The following TP53BP1 variants were observed in gnomAD, a reference collection of about 807,000 sequenced individuals.
TP53BP1 encodes TP53-binding protein 1.
Under a neutral mutation model 200.8 loss-of-function variants are expected in TP53BP1, and 61 were observed. That is an observed-to-expected ratio of 0.30 (90% CI 0.25 to 0.38). The LOEUF (loss-of-function observed/expected upper bound fraction) is 0.38, where lower values mean the gene tolerates loss of function less well. Among genes scored for constraint, TP53BP1 ranks in the 10% least tolerant of loss-of-function variants. The probability of loss-of-function intolerance (pLI) is 1.00; values close to 1 mark genes in which losing one functional copy is unlikely to be tolerated. For missense variants in TP53BP1, 2,144 were observed against 2,371.9 expected, an observed-to-expected ratio of 0.90 and a Z score of 2.00; for synonymous variants, 822 against 844.3, an observed-to-expected ratio of 0.97 and a Z score of 0.46.
Position 43,408,048 on chromosome 15 carries a change from A to G in TP53BP1, c.5641T>C (p.Leu1881=), listed in dbSNP as rs776940490. 1.7e-5 allele frequency: 27 copies of G among 1,614,208 alleles called. No homozygotes were observed. The highest frequency in any genetic ancestry group is 2.2e-5 in the Non-Finnish European group (26 of 1,180,016). The part of the protein sequence containing the change: ...ENPFQNLKVL[L]VSDQQQNFLE... ...AAGTTCTGCTGTTGGTCTGATACCA[A>G]GAGTACCTTCAGATTCTGGAAAGGA... Residue 1881 remains leucine, a synonymous_variant, in exon 27 of 28, where the codon TTG becomes CTG. Coordinates refer to ENST00000382044, the MANE Select transcript of TP53BP1 (RefSeq NM_001141980.3).
At chr15:43,478,487 A>C (rs1460155236) in intron 7 of TP53BP1, among the ~76,000 whole-genome samples, 1 of 152,250 alleles carries the variant, frequency 6.6e-6, no homozygotes, top group Non-Finnish European at 1.5e-5. Flanking sequence ...TGAAGGAAAT[A>C]ACAAAACAAT....
intron 1 of TP53BP1, among the ~76,000 whole-genome samples, chr15:43,504,190 C>A (rs900316188): frequency 6.6e-6 from 1 of 152,162 alleles, no homozygotes; most frequent in Non-Finnish European, 1.5e-5. Flanking sequence ...GTTGCCCAAG[C>A]TGGAGCGCAC....
Position 43,406,772 on chromosome 15 carries a change from A to G in TP53BP1, c.*611T>C. On this transcript the variant is annotated 3_prime_UTR_variant, in exon 28 of 28. Transcript: ENST00000382044. ...CCAGGTGTTCTCACTTGTGCTTCCCATGTTTATCTTACGGAAGGTCATTCC... is the reference window on the plus strand; with the variant it reads ...CCAGGTGTTCTCACTTGTGCTTCCCGTGTTTATCTTACGGAAGGTCATTCC... 2 of 359,788 alleles carry G rather than the reference A, an allele frequency of 5.6e-6. No individual in the cohort carries two copies. Among genetic ancestry groups the G allele is most frequent in the South Asian group, 2.3e-5 (1 of 43,880 alleles). The allele number at this position is 359,788 out of a possible 1,614,324, so 22.3% of individuals were successfully genotyped here.
At chr15:43,466,991 T>C (rs2046598397) in intron 11 of TP53BP1, among the ~76,000 whole-genome samples, 1 of 152,168 alleles carries the variant, frequency 6.6e-6, no homozygotes, top group African/African-American at 2.4e-5. Flanking sequence ...TGACTTATTT[T>C]TGGGGTTTTA....
At chr15:43,412,623 C>CTTG (rs2045149480) in intron 24 of TP53BP1, 1 of 467,450 alleles carries the variant, frequency 2.1e-6, no homozygotes, top group East Asian at 7.0e-5. Flanking sequence ...CCCTGAGGAA[C>CTTG]CAGGCACCCC....
rs542126877 is a variant in TP53BP1, at chr15:43,479,652, A to T, written c.659-126T>A. The T allele has an allele frequency of 2.6e-4, 312 of 1,187,278 alleles. 2 individuals are homozygous for T. The highest frequency in any genetic ancestry group is 1.2e-3 in the South Asian group (72 of 62,338). 73.5% of individuals were successfully genotyped at this position (1,187,278 alleles called of 1,614,324 possible). A position where few individuals can be genotyped will look rare whatever the true frequency, so the allele number is the denominator to read the frequency against. On this transcript the variant is annotated intron_variant, in intron 6 of 27. Transcript: ENST00000382044. ...CCAATTTAAAATATATACAGGCATC[A>T]GTCTATAAAGGAAAGTAACCAATAA... is the stretch of plus-strand genomic sequence containing the variant.
In TP53BP1 at chr15:43,403,616, C is replaced by T. The variant is rs1410632124; in HGVS notation, c.*3767G>A. On this transcript the variant is annotated 3_prime_UTR_variant, in exon 28 of 28. Transcript: ENST00000382044. ...GATCAGCTATTAATCAGACTGTTCT[C>T]CTAACACTTTAACTTCATGGATGTA... The T allele has an allele frequency of 8.5e-6, 10 of 1,183,040 alleles. No homozygotes were observed. In the African/African-American group the frequency reaches 1.5e-4, roughly 18 times the overall value. The allele number at this position is 1,183,040 out of a possible 1,614,324, so 73.3% of individuals were successfully genotyped here.
chr15:43,416,593 T>C (rs2142979692), intron 21 of TP53BP1, 177 bp from the exon 22 acceptor site: 1 of 532,166 alleles, frequency 1.9e-6, no homozygotes, highest in South Asian at 3.0e-5. Context: ...TTAGGATATA[T>C]GTAGCTACTA....
At chr15:43,498,088 G>C (rs956987003), upstream of TP53BP1, among the ~76,000 whole-genome samples, 3 of 152,096 alleles carry the variant, frequency 2.0e-5, no homozygotes, top group African/African-American at 7.2e-5. Context: ...TTTATTACCA[G>C]AGGCATTACA....
intron 12 of TP53BP1, among the ~76,000 whole-genome samples, chr15:43,454,034 G>A (rs1342150113): frequency 1.3e-5 from 2 of 151,524 alleles, no homozygotes; most frequent in African/African-American, 4.8e-5. Flanking sequence ...GTGAAACCCC[G>A]TCTCTACTAA....
rs776610947 is a variant in TP53BP1 at position 43,456,655 on chromosome 15, T to C, written c.1953A>G (p.Glu651=). 7 of 1,614,166 alleles carry C rather than the reference T, an allele frequency of 4.3e-6. No individual in the cohort carries two copies. The highest frequency in any genetic ancestry group is 5.9e-6 in the Non-Finnish European group (7 of 1,180,030). The part of the protein sequence containing the change: ...EALSSVLDQE[E]AMEIKEHHPE... ...GATGGTGTTCTTTAATTTCCATAGC[T>C]TCCTCCTGATCTAACACACTAGAAA... is the stretch of plus-strand genomic sequence containing the variant. The change falls in exon 12 of 28, where the codon GAA becomes GAG. Residue 651 remains glutamate (E), a synonymous_variant. Transcript: ENST00000382044.
intron 11 of TP53BP1, among the ~76,000 whole-genome samples, chr15:43,467,689 T>C (rs1036781865): frequency 1.3e-5 from 2 of 152,190 alleles, no homozygotes; most frequent in African/African-American, 4.8e-5. Context: ...AAAAGTCTCG[T>C]TTGGTCACTG....
intron 13 of TP53BP1, chr15:43,446,876 G>A: frequency 1.8e-6 from 2 of 1,136,194 alleles, no homozygotes; most frequent in South Asian, 1.3e-5. Context: ...TAGGTAGCAG[G>A]AGACTCCAGA....
chr15:43,483,625 G>C (rs1405253457), intron 4 of TP53BP1, among the ~76,000 whole-genome samples: 1 of 152,130 alleles, frequency 6.6e-6, no homozygotes, highest in Non-Finnish European at 1.5e-5. Context: ...GCAAAGTTGG[G>C]AACCGTGACC....
At chr15:43,434,521 A>C (rs1222361550) in intron 16 of TP53BP1, among the ~76,000 whole-genome samples, 1 of 152,222 alleles carries the variant, frequency 6.6e-6, no homozygotes, top group Non-Finnish European at 1.5e-5. Context: ...CCCAAGACTT[A>C]CATTAAATCC....
In TP53BP1 at chr15:43,498,585, A is replaced by C. The variant is rs371118700; in HGVS notation, c.-8-6117T>G. On this transcript the variant is annotated intron_variant, in intron 1 of 27. Coordinates refer to the TP53BP1 transcript ENST00000263801. ...TGCCAAGGTCAAGAATGACAATCAA[A>C]GTCTCAAGAAATGTTCTAGATTTGA... Among the ~76,000 whole-genome samples, 321 of 152,346 alleles carry C rather than the reference A, an allele frequency of 2.1e-3. 2 individuals carry two copies. Among genetic ancestry groups the C allele is most frequent in the African/African-American group, 7.2e-3 (299 of 41,582 alleles).
At chr15:43,417,476 A>G (rs1450782331) in intron 21 of TP53BP1, among the ~76,000 whole-genome samples, 1 of 152,202 alleles carries the variant, frequency 6.6e-6, no homozygotes, top group Non-Finnish European at 1.5e-5. Context: ...TCAAAAACAC[A>G]AAGAAGCCCA....
Position 43,491,702 on chromosome 15 carries a change from A to T in TP53BP1, c.338T>A (p.Ile113Asn), listed in dbSNP as rs1216240976. 1 of 1,614,004 alleles carries T rather than the reference A, an allele frequency of 6.2e-7. No homozygotes were observed. Among genetic ancestry groups the T allele is most frequent in the Admixed American group, 1.7e-5 (1 of 59,982 alleles). Reference sequence around the variant, plus strand: ...CCTGTTTGGCTGAGGTAACTGCTCAATGACCTGACTGATGGAACCACATGT... The same window carrying T: ...CCTGTTTGGCTGAGGTAACTGCTCATTGACCTGACTGATGGAACCACATGT... ...LDTCGSISQVIEQLPQPNRTS... is the reference protein window; with the variant it reads ...LDTCGSISQVNEQLPQPNRTS... The change falls in exon 4 of 28, where the codon ATT (isoleucine) becomes AAT (asparagine). Residue 113 changes from isoleucine to asparagine, a missense_variant. Physicochemically the swap from Ile to Asn is moderately radical, Grantham distance 149. Coordinates refer to ENST00000382044, the MANE Select transcript of TP53BP1 (RefSeq NM_001141980.3).
At chr15:43,464,519 T>C (rs1028743393) in intron 11 of TP53BP1, among the ~76,000 whole-genome samples, 3 of 152,120 alleles carry the variant, frequency 2.0e-5, no homozygotes, top group Non-Finnish European at 4.4e-5. Flanking sequence ...TTATTCACAA[T>C]AGCCAAAAGG....
Sources: allele counts gnomAD v4.1 joint callset (sites outside exome capture counted in the v4.1 genomes callset), GRCh38; gene constraint gnomAD v4.1.1; transcripts MANE v1.5; gene names NCBI Gene and HGNC (gene_info 2026-07-23, HGNC 2026-07-21).